The following SNTG2 variants were observed in gnomAD, a reference collection of about 807,000 sequenced individuals.
The protein encoded by SNTG2 is syntrophin gamma 2.
SNTG2 carries 74 observed loss-of-function variants against 70.9 expected under a neutral mutation model. The observed-to-expected ratio is 1.04, with a 90% CI of 0.86 to 1.27. The LOEUF is 1.27. Among genes scored for constraint, SNTG2 ranks in the 50% most tolerant of loss-of-function variants. The pLI is 0.00. For synonymous variants in SNTG2, 278 were observed against 273.8 expected, an observed-to-expected ratio of 1.02 and a Z score of -0.15; for missense variants, 717 against 690.7, an observed-to-expected ratio of 1.04 and a Z score of -0.43.
chr2:1,240,603 A>G (rs1392217994), intron 11 of SNTG2, among the ~76,000 whole-genome samples: 1 of 152,264 alleles, frequency 6.6e-6, no homozygotes, highest in Non-Finnish European at 1.5e-5. Context: ...TTTGCTTTAA[A>G]TAGCGCACAA....
At chr2:1,049,356 C>G in intron 1 of SNTG2, among the ~76,000 whole-genome samples, 1 of 152,332 alleles carries the variant, frequency 6.6e-6, no homozygotes, top group Middle Eastern at 3.4e-3. Context: ...AGCCACTGAT[C>G]TCTTTACTAT....
At chr2:1,223,985 A>G (rs112397239) in intron 9 of SNTG2, among the ~76,000 whole-genome samples, 192 of 149,118 alleles carry the variant, frequency 1.3e-3, no homozygotes, top group Non-Finnish European at 1.7e-3. Flanking sequence ...TCGAGCTCTG[A>G]AGGCTGCAAG....
At chr2:1,151,768 C>T (rs1669514101) in intron 6 of SNTG2, among the ~76,000 whole-genome samples, 1 of 152,170 alleles carries the variant, frequency 6.6e-6, no homozygotes, top group South Asian at 2.1e-4. Context: ...TGCAGATGAG[C>T]ACAGCTGCTC....
intron 8 of SNTG2, among the ~76,000 whole-genome samples, chr2:1,200,273 T>C (rs1266126812): frequency 1.3e-5 from 2 of 151,922 alleles, no homozygotes; most frequent in Non-Finnish European, 2.9e-5. Flanking sequence ...GGTGAAAGGA[T>C]ACTCTCTTCA....
intron 16 of SNTG2, among the ~76,000 whole-genome samples, chr2:1,346,929 A>G (rs1660318833): frequency 6.6e-6 from 1 of 152,162 alleles, no homozygotes; most frequent in Non-Finnish European, 1.5e-5. Context: ...ACTGAAGTTA[A>G]GATGAAGTCA....
chr2:1,148,518 C>G (rs186765667), intron 6 of SNTG2, among the ~76,000 whole-genome samples: 3 of 152,302 alleles, frequency 2.0e-5, no homozygotes, highest in African/African-American at 7.2e-5. Flanking sequence ...CAGCTAAGGA[C>G]CTGCCTGTGA....
At chr2:986,107 G>GAGAGAGAGAGAT (rs1553304950) in intron 1 of SNTG2, among the ~76,000 whole-genome samples, 1 of 144,066 alleles carries the variant, frequency 6.9e-6, no homozygotes, top group Admixed American at 6.9e-5. Context: ...GAGAGAGAGA[G>GAGAGAGAGAGAT]AGATCAGAGG....
rs1218487562 is a variant in SNTG2, at chr2:1,180,769, G to A, written c.591+7586G>A. 2.7e-4 allele frequency among the ~76,000 whole-genome samples: 41 copies of A among 151,758 alleles called. 1 individual carries two copies. Among genetic ancestry groups the A allele is most frequent in the East Asian group, 1.2e-3 (6 of 5,086 alleles). ...TGCTGCTATAAAGACACATGCACAC[G>A]TATGTTTATTGTGGCACTATTCACA... On this transcript the variant is annotated intron_variant, in intron 8 of 16. Coordinates refer to ENST00000308624, the MANE Select transcript of SNTG2 (RefSeq NM_018968.4).
intron 12 of SNTG2, among the ~76,000 whole-genome samples, chr2:1,256,812 G>A (rs1230488548): frequency 6.6e-6 from 1 of 152,152 alleles, no homozygotes; most frequent in Non-Finnish European, 1.5e-5. Context: ...GCAGGGGGAA[G>A]CCGATGGCAG....
intron 6 of SNTG2, among the ~76,000 whole-genome samples, chr2:1,149,338 A>G (rs942247538): frequency 6.6e-6 from 1 of 152,128 alleles, no homozygotes; most frequent in African/African-American, 2.4e-5. Context: ...TTGTCTTTTC[A>G]TTGTACAAAG....
At chr2:1,236,788 A>T (rs935504981) in intron 9 of SNTG2, among the ~76,000 whole-genome samples, 1 of 152,198 alleles carries the variant, frequency 6.6e-6, no homozygotes, top group African/African-American at 2.4e-5. Context: ...GAAAGCAGCG[A>T]TGACACTCAC....
chr2:1,052,943 A>C (rs377167466), intron 1 of SNTG2, among the ~76,000 whole-genome samples: 14 of 152,376 alleles, frequency 9.2e-5, no homozygotes, highest in African/African-American at 3.4e-4. Context: ...TTCCACTGCG[A>C]GTCCCCTCCT....
At chr2:1,274,633 G>A (rs111563148) in intron 14 of SNTG2, among the ~76,000 whole-genome samples, 5 of 151,940 alleles carry the variant, frequency 3.3e-5, no homozygotes, top group African/African-American at 4.8e-5. Flanking sequence ...TTCTGCCCTC[G>A]ATCAGGATGA....
chr2:1,292,632 A>G (rs1310320088), intron 14 of SNTG2, among the ~76,000 whole-genome samples: 1 of 152,166 alleles, frequency 6.6e-6, no homozygotes, highest in Non-Finnish European at 1.5e-5. Context: ...CCTTTTGTTC[A>G]CATGGCATGT....
intron 14 of SNTG2, among the ~76,000 whole-genome samples, chr2:1,281,072 G>A (rs1367778071): frequency 6.6e-6 from 1 of 152,138 alleles, no homozygotes; most frequent in Non-Finnish European, 1.5e-5. Flanking sequence ...TGTCTTAGGG[G>A]TGAGTGTGAT....
At chr2:1,020,296 C>T (rs1253730694) in intron 1 of SNTG2, among the ~76,000 whole-genome samples, 1 of 152,232 alleles carries the variant, frequency 6.6e-6, no homozygotes, top group Non-Finnish European at 1.5e-5. Flanking sequence ...AGGGCCCAGG[C>T]ATCTGGGCTT....
chr2:1,009,000 A>G (rs1659647451), intron 1 of SNTG2, among the ~76,000 whole-genome samples: 1 of 152,334 alleles, frequency 6.6e-6, no homozygotes, highest in East Asian at 1.9e-4. Context: ...CTTTCAAATT[A>G]TAGCCCATTA....
At chr2:1,207,176 C>A (rs974115161) in intron 8 of SNTG2, among the ~76,000 whole-genome samples, 1 of 152,192 alleles carries the variant, frequency 6.6e-6, no homozygotes, top group African/African-American at 2.4e-5. Context: ...ATATGAAATA[C>A]ACATCAGGTG....
chr2:1,224,770 G>T (rs1675654828), intron 9 of SNTG2, among the ~76,000 whole-genome samples: 1 of 152,226 alleles, frequency 6.6e-6, no homozygotes, highest in Non-Finnish European at 1.5e-5. Flanking sequence ...GGCCTTGCCT[G>T]GGTGTTCTGA....
Sources: allele counts gnomAD v4.1 joint callset (sites outside exome capture counted in the v4.1 genomes callset), GRCh38; gene constraint gnomAD v4.1.1; transcripts MANE v1.5; gene names NCBI Gene and HGNC (gene_info 2026-07-23, HGNC 2026-07-21).